Variants in GAS2 observed in about 807,000 individuals in gnomAD.
GAS2 encodes growth arrest specific 2, also known as growth arrest-specific protein 2.
GAS2 carries 20 observed loss-of-function variants against 37.5 expected under a neutral mutation model. That is an observed-to-expected ratio of 0.53 (90% CI 0.37 to 0.77). GAS2 has a LOEUF of 0.77. Ranked by LOEUF, GAS2 falls within the 30% of genes least tolerant of loss-of-function variation. The pLI, the probability that GAS2 is intolerant of heterozygous loss-of-function variation, is 0.00. For synonymous variants in GAS2, 144 were observed against 132.2 expected, an observed-to-expected ratio of 1.09 and a Z score of -0.61; for missense variants, 336 against 373.4, an observed-to-expected ratio of 0.90 and a Z score of 0.82.
At chr11:22,627,259 C>A (rs1356132845) in intron 1 of GAS2, among the ~76,000 whole-genome samples, 1 of 152,310 alleles carries the variant, frequency 6.6e-6, no homozygotes, top group Non-Finnish European at 1.5e-5. Context: ...ATCACTAATT[C>A]ATTTATTTAT....
At chr11:22,635,928 A>C (rs1015756843) in intron 1 of GAS2, among the ~76,000 whole-genome samples, 3 of 152,068 alleles carry the variant, frequency 2.0e-5, no homozygotes, top group Non-Finnish European at 4.4e-5. Context: ...ATGGGAGTAT[A>C]TATCATGGAG....
At chr11:22,780,746 TA>T (rs1210039648) in intron 7 of GAS2, among the ~76,000 whole-genome samples, 9 of 150,810 alleles carry the variant, frequency 6.0e-5, no homozygotes, top group Admixed American at 6.0e-4. Context: ...TCACTGGTGG[TA>T]GGTCTCAGAC....
At chr11:22,749,337 T>G (rs1853601803) in intron 6 of GAS2, 76 bp downstream of exon 6, 10 of 1,340,594 alleles carry the variant, frequency 7.5e-6, no homozygotes, top group Non-Finnish European at 9.3e-6. Context: ...TGCAATCTCG[T>G]ATCAGTCTAA....
At chr11:22,747,390 A>G (rs1354170739) in intron 5 of GAS2, among the ~76,000 whole-genome samples, 4 of 152,146 alleles carry the variant, frequency 2.6e-5, no homozygotes, top group East Asian at 1.9e-4. Flanking sequence ...AATATGTTCA[A>G]TGGTGCCTAC....
At chr11:22,701,818 G>A (rs1301204468) in intron 3 of GAS2, among the ~76,000 whole-genome samples, 1 of 152,170 alleles carries the variant, frequency 6.6e-6, no homozygotes, top group Non-Finnish European at 1.5e-5. Context: ...AATGGAGTGA[G>A]ACTCTGTCTC....
At chr11:22,651,143 A>T (rs536812093) in intron 1 of GAS2, among the ~76,000 whole-genome samples, 1 of 151,404 alleles carries the variant, frequency 6.6e-6, no homozygotes, top group East Asian at 1.9e-4. Flanking sequence ...GCATTTGCTT[A>T]TCTGTAAAGT....
intron 5 of GAS2, among the ~76,000 whole-genome samples, chr11:22,745,523 A>C (rs1590082154): frequency 6.6e-6 from 1 of 152,154 alleles, no homozygotes; most frequent in South Asian, 2.1e-4. Flanking sequence ...AAAAAATCCT[A>C]GGAAATACTA....
chr11:22,687,074 C>T (rs375048702), intron 3 of GAS2, among the ~76,000 whole-genome samples: 33 of 152,196 alleles, frequency 2.2e-4, no homozygotes, highest in African/African-American at 7.0e-4. Flanking sequence ...ACTGTAATCT[C>T]AGCACTTTGC....
At chr11:22,785,710 T>A (rs1195194320) in intron 7 of GAS2, among the ~76,000 whole-genome samples, 1 of 152,146 alleles carries the variant, frequency 6.6e-6, no homozygotes, top group Non-Finnish European at 1.5e-5. Context: ...CCATTCAAAG[T>A]CCTAGATATA....
chr11:22,669,546 C>A (rs1218402492), intron 1 of GAS2, among the ~76,000 whole-genome samples: 1 of 152,028 alleles, frequency 6.6e-6, no homozygotes, highest in Non-Finnish European at 1.5e-5. Flanking sequence ...AAAGAGATCT[C>A]TAAAAGAGAG....
At chr11:22,715,188 T>G (rs1851605622) in intron 3 of GAS2, among the ~76,000 whole-genome samples, 1 of 151,622 alleles carries the variant, frequency 6.6e-6, no homozygotes, top group Non-Finnish European at 1.5e-5. Flanking sequence ...GTGCCACAGG[T>G]GTGGTGGCTT....
chr11:22,795,998 A>G (rs1856413270), intron 7 of GAS2, among the ~76,000 whole-genome samples: 1 of 152,174 alleles, frequency 6.6e-6, no homozygotes, highest in Non-Finnish European at 1.5e-5. Context: ...TAGAGATGGT[A>G]ATACCCATGT....
intron 1 of GAS2, among the ~76,000 whole-genome samples, chr11:22,673,148 A>C (rs1456038965): frequency 6.6e-6 from 1 of 152,136 alleles, no homozygotes; most frequent in Non-Finnish European, 1.5e-5. Flanking sequence ...TTAGGTACTT[A>C]CTCATACTCC....
chr11:22,633,950 A>G (rs2133807985), intron 1 of GAS2, among the ~76,000 whole-genome samples: 1 of 152,260 alleles, frequency 6.6e-6, no homozygotes, highest in East Asian at 1.9e-4. Context: ...ATGTGTACCC[A>G]TGCCAAGCTC....
At chr11:22,719,131 AG>A (rs1482637905) in intron 3 of GAS2, among the ~76,000 whole-genome samples, 7 of 152,138 alleles carry the variant, frequency 4.6e-5, no homozygotes, top group African/African-American at 1.4e-4. Context: ...GATTAAATCA[AG>A]GTAATTAAAA....
intron 3 of GAS2, chr11:22,702,347 A>G (rs1565097089): frequency 6.6e-6 from 1 of 152,216 alleles, no homozygotes; most frequent in Non-Finnish European, 1.5e-5. Flanking sequence ...TTCTTTAGGA[A>G]TAATACTTAA....
intron 7 of GAS2, among the ~76,000 whole-genome samples, chr11:22,798,354 G>A (rs1358147131): frequency 6.6e-6 from 1 of 151,962 alleles, no homozygotes; most frequent in African/African-American, 2.4e-5. Flanking sequence ...AACAACTATG[G>A]GAGGAAGGAA....
intron 3 of GAS2, among the ~76,000 whole-genome samples, chr11:22,709,797 G>T (rs575675509): frequency 6.6e-6 from 1 of 152,278 alleles, no homozygotes; most frequent in Admixed American, 6.5e-5. Context: ...TTAAGAAAAT[G>T]TGGCACATAT....
intron 6 of GAS2, among the ~76,000 whole-genome samples, chr11:22,751,427 T>C (rs1467922649): frequency 6.6e-6 from 1 of 152,046 alleles, no homozygotes; most frequent in Non-Finnish European, 1.5e-5. Context: ...TTTACCTTTT[T>C]GGGTATAAAT....
Sources: gnomAD v4.1 joint callset for allele counts (sites outside exome capture counted in the v4.1 genomes callset) on GRCh38, gnomAD v4.1.1 for gene constraint, MANE v1.5 for transcripts, NCBI Gene and HGNC (gene_info 2026-07-23, HGNC 2026-07-21) for gene names.